PCNX4: variants seen among roughly 807,000 people sequenced by gnomAD.
The protein encoded by PCNX4 is pecanex-like protein 4.
PCNX4 carries 103 observed loss-of-function variants against 107.2 expected under a neutral mutation model. The ratio of observed to expected loss-of-function variants is 0.96; its 90% CI spans 0.82 to 1.13. The LOEUF (loss-of-function observed/expected upper bound fraction) is 1.13. Among genes scored for constraint, PCNX4 ranks in the 50% most tolerant of loss-of-function variants. PCNX4 has a pLI of 0.00. For missense variants in PCNX4, 1,528 were observed against 1,379.4 expected (o/e 1.11, Z -1.71); for synonymous variants, 541 against 481.7 (o/e 1.12, Z -1.61).
chr14:60,140,202 C>G lies in PCNX4; in HGVS notation c.*5981C>G, dbSNP rs1304197207. 1 of 152,144 alleles carries G rather than the reference C, an allele frequency of 6.6e-6. No individual in the cohort carries two copies. The highest frequency in any genetic ancestry group is 6.5e-5 in the Admixed American group (1 of 15,272). The allele number at this position is 152,144 out of a possible 1,614,324, so 9.4% of individuals were successfully genotyped here. Reference sequence around the variant, plus strand: ...AGGATATTACAAATCCTAGAGTCATCTGACAAAATATGTGCACAACTTCAT... The same window carrying G: ...AGGATATTACAAATCCTAGAGTCATGTGACAAAATATGTGCACAACTTCAT... On this transcript the variant is annotated 3_prime_UTR_variant, in exon 11 of 11. Coordinates refer to ENST00000406854, the MANE Select transcript of PCNX4 (RefSeq NM_001330177.2). This position sits in a 1 kb window ranked among gnomAD's most constrained non-coding sequence, Gnocchi z 4.2.
intron 6 of PCNX4, among the ~76,000 whole-genome samples, chr14:60,117,821 T>C (rs1303753852): frequency 6.6e-6 from 1 of 152,208 alleles, no homozygotes; most frequent in Admixed American, 6.5e-5. Flanking sequence ...GGATAGGTAT[T>C]GATTATTCGT....
rs1896308558 is a variant in PCNX4 at position 60,141,758 on chromosome 14, T to C, written c.*7537T>C. 6.6e-6 allele frequency: 1 copy of C among 152,252 alleles called. No individual in the cohort carries two copies. Among genetic ancestry groups the C allele is most frequent in the South Asian group, 2.1e-4 (1 of 4,838 alleles). The allele number at this position is 152,252 out of a possible 1,614,324, so 9.4% of individuals were successfully genotyped here. On this transcript the variant is annotated 3_prime_UTR_variant, in exon 11 of 11. Coordinates refer to ENST00000406854, the MANE Select transcript of PCNX4 (RefSeq NM_001330177.2). Reference sequence around the variant, plus strand: ...CTGCATGGTATAGAATATAACAGTTTGTTTATACCATTCACCTGTTGATGG... The same window carrying C: ...CTGCATGGTATAGAATATAACAGTTCGTTTATACCATTCACCTGTTGATGG...
intron 10 of PCNX4, among the ~76,000 whole-genome samples, chr14:60,128,807 A>G (rs118182278): frequency 0.031 from 4,707 of 152,354 alleles, 234 homozygotes; most frequent in South Asian, 0.24. Context: ...TAATAATTGC[A>G]CAAAGGAAGG....
rs776660954 is a variant in PCNX4, at chr14:60,125,036, A to G, written c.2865A>G (p.Ser955=). ...LECYHSEEKA[S]NVLEEIAKDK... is the part of the protein sequence containing the mutation. ...GTTATCATTCAGAAGAGAAGGCCTCAAATGTACTGGAAGAAATTGCCAAGG... is the reference window on the plus strand; with the variant it reads ...GTTATCATTCAGAAGAGAAGGCCTCGAATGTACTGGAAGAAATTGCCAAGG... The change falls in exon 9 of 11, where the codon TCA becomes TCG. Residue 955 remains serine (S), a synonymous_variant. Transcript: ENST00000406854. 4 of 1,613,640 alleles carry G rather than the reference A, an allele frequency of 2.5e-6. No individual in the cohort carries two copies. The highest frequency in any genetic ancestry group is 2.5e-6 in the Non-Finnish European group (3 of 1,179,760).
rs753660745 is a variant in PCNX4, at chr14:60,114,808, A to C, written c.798A>C (p.Ala266=). The change falls in exon 3 of 11, where the codon GCA becomes GCC. Residue 266 remains alanine, a synonymous_variant. Coordinates refer to ENST00000406854, the MANE Select transcript of PCNX4 (RefSeq NM_001330177.2). ...TTGGGACTCTGCCCCCACCCGATGC[A>C]CTTCTCTTATGGGCAATGGAGCAGG... ...WALGTLPPPD[A]LLLWAMEQVL... The C allele has an allele frequency of 6.2e-7, 1 of 1,613,718 alleles. No individual in the cohort carries two copies. Among genetic ancestry groups the C allele is most frequent in the Admixed American group, 1.7e-5 (1 of 59,992 alleles).
In PCNX4 at chr14:60,125,025, G is replaced by T. The variant is rs1896026937; in HGVS notation, c.2854G>T (p.Glu952Ter). 1 of 1,613,786 alleles carries T rather than the reference G, an allele frequency of 6.2e-7. No individual in the cohort carries two copies. Among genetic ancestry groups the T allele is most frequent in the Non-Finnish European group, 8.5e-7 (1 of 1,179,754 alleles). Reference protein sequence around the residue: ...LRQLECYHSEEKASNVLEEIA... With the variant: ...LRQLECYHSE The stretch of plus-strand genomic sequence containing the variant: ...GCAGTTGGAATGTTATCATTCAGAA[G>T]AGAAGGCCTCAAATGTACTGGAAGA... The change falls in exon 9 of 11, where the codon GAG becomes TAG. Residue 952 changes from glutamate to a stop codon, truncating the protein, a stop_gained. Coordinates refer to ENST00000406854, the MANE Select transcript of PCNX4 (RefSeq NM_001330177.2). LOFTEE classifies it high-confidence loss of function.
chr14:60,143,050 T>C lies in PCNX4; in HGVS notation c.*8829T>C, dbSNP rs1255947475. ...TTATATATACCTCTTCTACCATTCATTGGCTGGAGTAGTTGAACAGACATC... is the reference window on the plus strand; with the variant it reads ...TTATATATACCTCTTCTACCATTCACTGGCTGGAGTAGTTGAACAGACATC... On this transcript the variant is annotated 3_prime_UTR_variant, in exon 11 of 11. Coordinates refer to ENST00000406854, the MANE Select transcript of PCNX4 (RefSeq NM_001330177.2). 6.6e-6 allele frequency: 1 copy of C among 152,212 alleles called. No individual in the cohort carries two copies. The highest frequency in any genetic ancestry group is 1.5e-5 in the Non-Finnish European group (1 of 68,040). The allele number at this position is 152,212 out of a possible 1,614,324, so 9.4% of individuals were successfully genotyped here.
At chr14:60,124,171 A>G (rs1181217537) in intron 8 of PCNX4, 47 bp from the exon 9 acceptor site, 2 of 1,399,508 alleles carry the variant, frequency 1.4e-6, no homozygotes, top group Non-Finnish European at 1.9e-6. Flanking sequence ...GCTGTATATT[A>G]TGTAATAAAT....
intron 8 of PCNX4, 61 bp from the exon 9 acceptor site, chr14:60,124,157 A>G: frequency 2.3e-6 from 3 of 1,279,604 alleles, no homozygotes; most frequent in Non-Finnish European, 2.1e-6. Context: ...TTACATGACT[A>G]GTTGCTGTAT....
rs368553171 is a variant in PCNX4, at chr14:60,115,208, A to G, written c.1104A>G (p.Leu368=). 2.5e-6 allele frequency: 4 copies of G among 1,613,606 alleles called. No individual in the cohort carries two copies. The African/African-American group carries it at 5.3e-5, about 22-fold the overall frequency. ...FYIIILVLAL[L]ETSLLHHFAG... ...TCATTATATTAGTCTTGGCTCTTTT[A>G]GAAACTAGCTTGCTTCATCACTTTG... Residue 368 remains leucine, a synonymous_variant, in exon 4 of 11, where the codon TTA becomes TTG. Coordinates refer to ENST00000406854, the MANE Select transcript of PCNX4 (RefSeq NM_001330177.2).
intron 10 of PCNX4, among the ~76,000 whole-genome samples, chr14:60,130,155 TAGTA>T (rs1896128737): frequency 1.3e-5 from 2 of 152,002 alleles, no homozygotes; most frequent in Non-Finnish European, 2.9e-5. Context: ...CTGGGCAACA[TAGTA>T]AGACCTTGTC....
In PCNX4 at chr14:60,101,455, A is replaced by G. The variant is rs764988473; in HGVS notation, c.-53-6131A>G. ...TCAGAAGTTAAAAAAATGAGCAAAGATTTGATAAATTTCCACAGATCTATT... is the reference window on the plus strand; with the variant it reads ...TCAGAAGTTAAAAAAATGAGCAAAGGTTTGATAAATTTCCACAGATCTATT... On this transcript the variant is annotated intron_variant, in intron 1 of 10. Coordinates refer to ENST00000406854, the MANE Select transcript of PCNX4 (RefSeq NM_001330177.2). Among the ~76,000 whole-genome samples, 8 of 152,232 alleles carry G rather than the reference A, an allele frequency of 5.3e-5. 1 individual carries two copies. Among genetic ancestry groups the G allele is most frequent in the Non-Finnish European group, 1.0e-4 (7 of 68,046 alleles).
At chr14:60,097,937 C>T (rs1895456892) in intron 1 of PCNX4, among the ~76,000 whole-genome samples, 1 of 152,200 alleles carries the variant, frequency 6.6e-6, no homozygotes. Flanking sequence ...AAAGAACACA[C>T]TGCCCCTCGT....
intron 2 of PCNX4, chr14:60,110,677 T>G (rs1458465782): frequency 3.6e-5 from 6 of 167,104 alleles, no homozygotes. Context: ...TGCCTCAGGA[T>G]GGATTGTACC....
At position 60,139,737 on chromosome 14, in the gene PCNX4, TTCACTTA is replaced by T. The variant is rs1896285687; in HGVS notation, c.*5517_*5523del. 6.6e-6 allele frequency: 1 copy of T among 152,122 alleles called. No individual in the cohort carries two copies. Among genetic ancestry groups the T allele is most frequent in the Non-Finnish European group, 1.5e-5 (1 of 67,966 alleles). 9.4% of individuals were successfully genotyped at this position (152,122 alleles called of 1,614,324 possible). A position where few individuals can be genotyped will look rare whatever the true frequency, so the allele number is the denominator to read the frequency against. On this transcript the variant is annotated 3_prime_UTR_variant, in exon 11 of 11. Transcript: ENST00000406854. ...GAATATATTCTTTGGCCATGTATCATTCACTTAGAAATCAATAATAATTTCAAAAATA... is the reference window on the plus strand; with the variant it reads ...GAATATATTCTTTGGCCATGTATCATGAAATCAATAATAATTTCAAAAATA...
At chr14:60,095,509 G>T (rs1134484) in intron 1 of PCNX4, among the ~76,000 whole-genome samples, 7,099 of 152,180 alleles carry the variant, frequency 0.047, 490 homozygotes, top group African/African-American at 0.15. Context: ...AAACCAAAAG[G>T]GGGGAGACAG....
chr14:60,120,689 T>C (rs1895937299), intron 7 of PCNX4, among the ~76,000 whole-genome samples: 1 of 152,234 alleles, frequency 6.6e-6, no homozygotes, highest in Non-Finnish European at 1.5e-5. Context: ...AAATTTTAGC[T>C]GTTTGCCATA....
chr14:60,114,940 A>T (rs757618951), intron 3 of PCNX4, 34 bp from the exon 4 acceptor site: 68 of 1,515,086 alleles, frequency 4.5e-5, no homozygotes, highest in Non-Finnish European at 5.8e-5. Flanking sequence ...TTTCTTTTCA[A>T]GTAAATATTT....
Position 60,124,476 on chromosome 14 carries a change from G to T in PCNX4, c.2305G>T (p.Val769Phe), listed in dbSNP as rs764353178. 1.2e-6 allele frequency: 2 copies of T among 1,613,548 alleles called. No individual in the cohort carries two copies. Among genetic ancestry groups the T allele is most frequent in the African/African-American group, 2.7e-5 (2 of 74,856 alleles). ...DLIKVLVWILVQYCSKRPGMK... is the reference protein window; with the variant it reads ...DLIKVLVWILFQYCSKRPGMK... ...CATTAAAGTACTTGTGTGGATACTT[G>T]TTCAATACTGCTCCAAAAGGCCTGG... The change falls in exon 9 of 11, where the codon GTT becomes TTT. Residue 769 changes from valine to phenylalanine, a missense_variant. Coordinates refer to ENST00000406854, the MANE Select transcript of PCNX4 (RefSeq NM_001330177.2).
Sources: allele counts gnomAD v4.1 joint callset (sites outside exome capture counted in the v4.1 genomes callset), GRCh38; gene constraint gnomAD v4.1.1; non-coding constraint Gnocchi (gnomAD v3.1); transcripts MANE v1.5; gene names NCBI Gene and HGNC (gene_info 2026-07-23, HGNC 2026-07-21).